The following NOL4 variants were observed in gnomAD, a reference collection of about 807,000 sequenced individuals.
NOL4 encodes the protein nucleolar protein 4, also known as cancer/testis antigen 125.
NOL4 carries 17 observed loss-of-function variants against 75.9 expected under a neutral mutation model. That is an observed-to-expected ratio of 0.22 (90% CI 0.15 to 0.34). The LOEUF is 0.34. Ranked by LOEUF, NOL4 falls within the 10% of genes least tolerant of loss-of-function variation. NOL4 has a pLI of 1.00. For missense variants in NOL4, 614 were observed against 793.5 expected, an observed-to-expected ratio of 0.77 and a Z score of 2.72; for synonymous variants, 292 against 289.9, an observed-to-expected ratio of 1.01 and a Z score of -0.07.
At chr18:34,086,440 AAC>A (rs1156958131) in intron 5 of NOL4, among the ~76,000 whole-genome samples, 1 of 152,168 alleles carries the variant, frequency 6.6e-6, no homozygotes, top group Non-Finnish European at 1.5e-5. Context: ...CAGCCTGAAA[AAC>A]ATTTTAATAG....
At chr18:34,020,692 G>A (rs2074986263) in intron 5 of NOL4, among the ~76,000 whole-genome samples, 1 of 151,996 alleles carries the variant, frequency 6.6e-6, no homozygotes, top group Non-Finnish European at 1.5e-5. Flanking sequence ...GGGGATGTGA[G>A]TCATGAAGTA....
chr18:34,092,890 T>C (rs2078593889), intron 5 of NOL4, among the ~76,000 whole-genome samples: 1 of 152,198 alleles, frequency 6.6e-6, no homozygotes, highest in Non-Finnish European at 1.5e-5. Flanking sequence ...CTATCAAGAA[T>C]AGGCTGATTC....
intron 5 of NOL4, among the ~76,000 whole-genome samples, chr18:34,024,194 A>AAAAAAAATATATATATATATATAT: frequency 2.8e-5 from 2 of 70,696 alleles, no homozygotes; most frequent in African/African-American, 1.1e-4. Context: ...AAAAAAAAAA[A>AAAAAAAATATATATATATATATAT]ATATATATAT....
At chr18:33,907,830 T>A (rs904450390) in intron 9 of NOL4, among the ~76,000 whole-genome samples, 10 of 152,220 alleles carry the variant, frequency 6.6e-5, no homozygotes, top group African/African-American at 2.2e-4. Flanking sequence ...TAAGGCTACA[T>A]ATTTATTTTG....
chr18:33,995,840 AG>A (rs2073242539), intron 6 of NOL4, among the ~76,000 whole-genome samples: 6 of 148,506 alleles, frequency 4.0e-5, no homozygotes, highest in African/African-American at 1.6e-4. Flanking sequence ...TTTACGTCCT[AG>A]AATATGGCCT....
At chr18:34,035,651 A>G (rs1018302898) in intron 5 of NOL4, among the ~76,000 whole-genome samples, 1 of 152,070 alleles carries the variant, frequency 6.6e-6, no homozygotes, top group Non-Finnish European at 1.5e-5. Flanking sequence ...GCAGAACTAA[A>G]TGAAATAGAG....
chr18:33,940,416 T>C (rs1462537248), intron 9 of NOL4, among the ~76,000 whole-genome samples: 1 of 151,998 alleles, frequency 6.6e-6, no homozygotes, highest in Non-Finnish European at 1.5e-5. Context: ...TGGATGAAAC[T>C]GGAAACCATC....
intron 5 of NOL4, among the ~76,000 whole-genome samples, chr18:34,042,329 C>T (rs1420403219): frequency 6.6e-6 from 1 of 151,950 alleles, no homozygotes; most frequent in African/African-American, 2.4e-5. Context: ...AAACCCCTTT[C>T]TATCTGCAAG....
chr18:34,183,862 T>A (rs1441812294), intron 1 of NOL4, among the ~76,000 whole-genome samples: 1 of 151,906 alleles, frequency 6.6e-6, no homozygotes, highest in Non-Finnish European at 1.5e-5. Context: ...AACTGTTCAA[T>A]GTTATGGTTG....
At chr18:33,879,272 A>T (rs1164193175) in intron 10 of NOL4, among the ~76,000 whole-genome samples, 12 of 152,074 alleles carry the variant, frequency 7.9e-5, no homozygotes, top group Non-Finnish European at 1.8e-4. Flanking sequence ...AACTTTTTTT[A>T]AAAAGTTATA....
chr18:34,074,709 T>A (rs548852431), intron 5 of NOL4, among the ~76,000 whole-genome samples: 94 of 152,170 alleles, frequency 6.2e-4, no homozygotes, highest in African/African-American at 2.1e-3. Flanking sequence ...AGATAGATAC[T>A]TTTTTGGACT....
intron 9 of NOL4, among the ~76,000 whole-genome samples, chr18:33,885,160 T>A (rs117053512): frequency 8.8e-4 from 131 of 149,622 alleles, no homozygotes; most frequent in East Asian, 5.8e-3. Flanking sequence ...ATTACTTTTT[T>A]TAAAAAAAAT....
intron 1 of NOL4, among the ~76,000 whole-genome samples, chr18:34,214,150 T>G (rs756115834): frequency 2.0e-5 from 3 of 152,186 alleles, no homozygotes; most frequent in Non-Finnish European, 4.4e-5. Flanking sequence ...CAATGTTCTC[T>G]GAGAGGCAAT....
chr18:34,085,493 C>T (rs1377137531), intron 5 of NOL4, among the ~76,000 whole-genome samples: 1 of 152,168 alleles, frequency 6.6e-6, no homozygotes, highest in African/African-American at 2.4e-5. Context: ...AAGCATGTAA[C>T]CAAGCCGATT....
In NOL4 at chr18:33,878,201, T is replaced by A. The variant is rs116505642; in HGVS notation, c.1723+5043A>T. Among the ~76,000 whole-genome samples, 227 of 152,238 alleles carry A rather than the reference T, an allele frequency of 1.5e-3. 1 individual carries two copies. Among genetic ancestry groups the A allele is most frequent in the African/African-American group, 5.2e-3 (217 of 41,564 alleles). ...GTTCATTAACAATGCATAACAAAAC[T>A]TTCTTTTGGATTTGTTATCAATTTT... On this transcript the variant is annotated intron_variant, in intron 10 of 10. Coordinates refer to ENST00000261592, the MANE Select transcript of NOL4 (RefSeq NM_003787.5).
At chr18:34,018,390 C>T (rs978353520) in intron 6 of NOL4, among the ~76,000 whole-genome samples, 13 of 152,106 alleles carry the variant, frequency 8.5e-5, no homozygotes, top group Non-Finnish European at 1.2e-4. Flanking sequence ...AAACAACACA[C>T]CCCCAGGCAA....
At chr18:33,897,119 A>G (rs1050730984) in intron 9 of NOL4, among the ~76,000 whole-genome samples, 1 of 152,136 alleles carries the variant, frequency 6.6e-6, no homozygotes, top group Non-Finnish European at 1.5e-5. Context: ...AAAGTAACAG[A>G]TGCTGGTGAG....
intron 5 of NOL4, among the ~76,000 whole-genome samples, chr18:34,043,792 A>G (rs2076242621): frequency 6.6e-6 from 1 of 151,924 alleles, no homozygotes; most frequent in African/African-American, 2.4e-5. Context: ...CTTCATCATA[A>G]TACCCTCTTC....
chr18:34,003,210 T>C (rs2146251987), intron 6 of NOL4, among the ~76,000 whole-genome samples: 1 of 152,242 alleles, frequency 6.6e-6, no homozygotes, highest in East Asian at 1.9e-4. Flanking sequence ...TTCCCAGGGT[T>C]CTGAAATTTT....
Sources: gnomAD v4.1 joint callset for allele counts (sites outside exome capture counted in the v4.1 genomes callset) on GRCh38, gnomAD v4.1.1 for gene constraint, MANE v1.5 for transcripts, NCBI Gene and HGNC (gene_info 2026-07-23, HGNC 2026-07-21) for gene names.